EIPR1: variants seen among roughly 807,000 people sequenced by gnomAD.
EIPR1 encodes the protein EARP and GARP complex-interacting protein 1.
In EIPR1, 25 loss-of-function variants were observed where a neutral mutation model predicts 48.1. The observed-to-expected ratio is 0.52, with a 90% CI of 0.38 to 0.73. The LOEUF is 0.73. Ranked by LOEUF, EIPR1 falls within the 30% of genes least tolerant of loss-of-function variation. The pLI is 0.00. For missense variants in EIPR1, 415 were observed against 506.2 expected, an observed-to-expected ratio of 0.82 and a Z score of 1.73; for synonymous variants, 204 against 201.9, an observed-to-expected ratio of 1.01 and a Z score of -0.09.
chr2:3,294,154 T>A (rs182192883), intron 3 of EIPR1, among the ~76,000 whole-genome samples: 1 of 152,120 alleles, frequency 6.6e-6, no homozygotes, highest in Non-Finnish European at 1.5e-5. Context: ...ATTAGGAGAA[T>A]CCCACAGGAG....
chr2:3,279,323 A>T (rs1009733912), intron 3 of EIPR1, among the ~76,000 whole-genome samples: 4 of 152,232 alleles, frequency 2.6e-5, no homozygotes, highest in African/African-American at 9.6e-5. Context: ...AAAAATATTC[A>T]ATCAATTTAT....
intron 1 of EIPR1, among the ~76,000 whole-genome samples, chr2:3,371,678 C>T (rs1356961366): frequency 6.6e-6 from 1 of 152,172 alleles, no homozygotes; most frequent in East Asian, 1.9e-4. Flanking sequence ...ACAACAAGAG[C>T]TAACTATCCT....
chr2:3,367,932 C>CT (rs1380351279), intron 1 of EIPR1, among the ~76,000 whole-genome samples: 3 of 152,086 alleles, frequency 2.0e-5, no homozygotes, highest in Admixed American at 6.5e-5. Context: ...GTAGACCCAG[C>CT]TACTCAGGAG....
chr2:3,307,832 A>G (rs1668993992), intron 3 of EIPR1, among the ~76,000 whole-genome samples: 1 of 152,242 alleles, frequency 6.6e-6, no homozygotes, highest in Admixed American at 6.5e-5. Context: ...AGAATAGCAG[A>G]AGAGAATTGT....
chr2:3,329,870 G>C (rs62119484), intron 3 of EIPR1, among the ~76,000 whole-genome samples: 11 of 149,366 alleles, frequency 7.4e-5, no homozygotes, highest in African/African-American at 2.7e-4. Context: ...TAATGACCTC[G>C]GGGCACCAGC....
chr2:3,259,875 G>A (rs1157525437), intron 3 of EIPR1, among the ~76,000 whole-genome samples: 1 of 152,172 alleles, frequency 6.6e-6, no homozygotes, highest in Non-Finnish European at 1.5e-5. Context: ...ATATCCATAT[G>A]AAAGAAAATA....
At position 3,364,090 on chromosome 2, in the gene EIPR1, A is replaced by T. The variant is rs187493017; in HGVS notation, c.43-9457T>A. ...AATATAAATTAGTACAGTCATTATG[A>T]AGAAGAGTATGGCGTCTCCTCAAAA... On this transcript the variant is annotated intron_variant, in intron 1 of 8. Coordinates refer to ENST00000382125, the MANE Select transcript of EIPR1 (RefSeq NM_003310.5). Among the ~76,000 whole-genome samples the T allele has an allele frequency of 5.3e-5, 8 of 152,322 alleles. No homozygotes were observed. The Middle Eastern group carries it at 0.01, about 194-fold the overall frequency.
chr2:3,307,676 C>A lies in EIPR1; in HGVS notation c.259+30341G>T, dbSNP rs184169407. ...TCCTGGAGGGAGAGAGTAGACTGCC[C>A]GTTACCAGAGGCTGGGAAAAGAAGT... On this transcript the variant is annotated intron_variant, in intron 3 of 8. Transcript: ENST00000382125. 5.1e-4 allele frequency among the ~76,000 whole-genome samples: 77 copies of A among 152,210 alleles called. 1 individual carries two copies. In the East Asian group the frequency reaches 0.014, roughly 27 times the overall value.
intron 3 of EIPR1, chr2:3,274,477 A>G: frequency 6.5e-7 from 1 of 1,530,320 alleles, no homozygotes. Flanking sequence ...AAATAAAGGC[A>G]TGTTAAGGTA....
At chr2:3,278,323 C>G (rs756957778) in intron 3 of EIPR1, among the ~76,000 whole-genome samples, 9 of 152,216 alleles carry the variant, frequency 5.9e-5, no homozygotes, top group Non-Finnish European at 1.3e-4. Flanking sequence ...ATGCCCTGCC[C>G]TTGGACCATG....
chr2:3,354,555 TATC>T lies in EIPR1; in HGVS notation c.118_120del (p.Asp40del). The T allele has an allele frequency of 6.2e-7, 1 of 1,613,934 alleles. No homozygotes were observed. Among genetic ancestry groups the T allele is most frequent in the Non-Finnish European group, 8.5e-7 (1 of 1,179,844 alleles). Reference sequence around the variant, plus strand: ...CATTTGTCAAAAATAGTTACCTGATTATCATATTTAAGAGACTGCGTCCCAACC... The same window carrying T: ...CATTTGTCAAAAATAGTTACCTGATTATATTTAAGAGACTGCGTCCCAACC... On this transcript the variant is annotated inframe_deletion, in exon 2 of 9. Transcript: ENST00000382125.
intron 3 of EIPR1, among the ~76,000 whole-genome samples, chr2:3,317,212 C>T (rs1161832517): frequency 6.7e-6 from 1 of 149,862 alleles, no homozygotes; most frequent in African/African-American, 2.5e-5. Context: ...AGCACAGAGA[C>T]CCAGGAGCAC....
At position 3,227,140 on chromosome 2, in the gene EIPR1, G is replaced by A. The variant is rs1666090085; in HGVS notation, c.417-12892C>T. ...AGAACTGGGTAACAGGCAGAGGTTGGAACAGTTTGGAGAGCTCAGAAGACA... is the reference window on the plus strand; with the variant it reads ...AGAACTGGGTAACAGGCAGAGGTTGAAACAGTTTGGAGAGCTCAGAAGACA... On this transcript the variant is annotated intron_variant, in intron 4 of 8. Transcript: ENST00000382125. Among the ~76,000 whole-genome samples the A allele has an allele frequency of 2.7e-5, 3 of 109,506 alleles. No homozygotes were observed. The South Asian group carries it at 1.1e-3, about 41-fold the overall frequency. 71.8% of individuals were successfully genotyped at this position (109,506 alleles called of 152,430 possible).
At chr2:3,309,442 CAAAG>C (rs962547958) in intron 3 of EIPR1, among the ~76,000 whole-genome samples, 1 of 152,050 alleles carries the variant, frequency 6.6e-6, no homozygotes, top group African/African-American at 2.4e-5. Flanking sequence ...CGATGAGAAA[CAAAG>C]AGAACAGAAA....
chr2:3,354,774 G>A lies in EIPR1; in HGVS notation c.43-141C>T, dbSNP rs147068230. The A allele has an allele frequency of 4.7e-3, 3,959 of 835,240 alleles. 14 individuals are homozygous for A. The highest frequency in any genetic ancestry group is 5.9e-3 in the Non-Finnish European group (3,131 of 533,832). The allele number at this position is 835,240 out of a possible 1,614,324, so 51.7% of individuals were successfully genotyped here. ...TACAGAGTGTCTGGAAAGCAATTTAGAAATATGTATTAAATGCCTTTGACT... is the reference window on the plus strand; with the variant it reads ...TACAGAGTGTCTGGAAAGCAATTTAAAAATATGTATTAAATGCCTTTGACT... On this transcript the variant is annotated intron_variant, in intron 1 of 8. Transcript: ENST00000382125.
At chr2:3,273,320 G>T (rs555428304) in intron 3 of EIPR1, among the ~76,000 whole-genome samples, 2 of 152,116 alleles carry the variant, frequency 1.3e-5, no homozygotes, top group Non-Finnish European at 2.9e-5. Flanking sequence ...GATAAACCAC[G>T]GTTAGCTACC....
At chr2:3,348,679 T>C (rs1572473212) in intron 2 of EIPR1, among the ~76,000 whole-genome samples, 2 of 152,234 alleles carry the variant, frequency 1.3e-5, no homozygotes, top group East Asian at 1.9e-4. Context: ...TTCAGAAAGA[T>C]AGCGCAGCTG....
At chr2:3,242,073 C>T (rs1316463671) in intron 4 of EIPR1, among the ~76,000 whole-genome samples, 1 of 152,206 alleles carries the variant, frequency 6.6e-6, no homozygotes, top group Non-Finnish European at 1.5e-5. Context: ...TGGCAAGAGG[C>T]ACAGCTCCTA....
chr2:3,197,659 T>G (rs1275219962), intron 5 of EIPR1, among the ~76,000 whole-genome samples: 1 of 152,248 alleles, frequency 6.6e-6, no homozygotes. Flanking sequence ...TAGGATTTCA[T>G]GCACAAAGGC....
Sources: gnomAD v4.1 joint callset for allele counts (sites outside exome capture counted in the v4.1 genomes callset) on GRCh38, gnomAD v4.1.1 for gene constraint, MANE v1.5 for transcripts, NCBI Gene and HGNC (gene_info 2026-07-23, HGNC 2026-07-21) for gene names.